DGKG: variants seen among roughly 807,000 people sequenced by gnomAD.
DGKG encodes the protein diacylglycerol kinase gamma.
Under a neutral mutation model 105.3 loss-of-function variants are expected in DGKG, and 78 were observed. That is an observed-to-expected ratio of 0.74 (90% CI 0.62 to 0.89). DGKG has a LOEUF of 0.89. Ranked by LOEUF, DGKG falls within the 40% of genes least tolerant of loss-of-function variation. The pLI is 0.00. For missense variants in DGKG, 958 were observed against 1,020.1 expected, an observed-to-expected ratio of 0.94 and a Z score of 0.83; for synonymous variants, 346 against 367.1, an observed-to-expected ratio of 0.94 and a Z score of 0.66.
At chr3:186,288,956 C>A (rs1457198218) in intron 5 of DGKG, 76 bp from the exon 6 acceptor site, 1 of 1,414,054 alleles carries the variant, frequency 7.1e-7, no homozygotes. Flanking sequence ...TTACCCCATC[C>A]TTTTCATGGT....
intron 22 of DGKG, among the ~76,000 whole-genome samples, chr3:186,172,023 T>C (rs922242739): frequency 1.3e-5 from 2 of 152,140 alleles, no homozygotes; most frequent in African/African-American, 4.8e-5. Context: ...GCCCAGTTAA[T>C]TTTTGTAGAG....
chr3:186,313,830 T>C (rs1724675594), intron 2 of DGKG, among the ~76,000 whole-genome samples: 1 of 152,126 alleles, frequency 6.6e-6, no homozygotes, highest in Non-Finnish European at 1.5e-5. Flanking sequence ...TGAGAAATAG[T>C]TATGGCTATC....
chr3:186,240,715 C>A lies in DGKG; in HGVS notation c.1826+1789G>T, dbSNP rs567259151. Among the ~76,000 whole-genome samples the A allele has an allele frequency of 2.7e-5, 4 of 150,270 alleles. No individual in the cohort carries two copies. The East Asian group carries it at 7.8e-4, about 29-fold the overall frequency. On this transcript the variant is annotated intron_variant, in intron 20 of 24. Transcript: ENST00000265022. ...ATCCCAGCTACTTGGGAGGCTGAGA[C>A]GGAAGAATTGTTTGAACCCAGGAGG...
intron 1 of DGKG, among the ~76,000 whole-genome samples, chr3:186,352,171 T>A (rs1056349908): frequency 5.3e-5 from 8 of 152,152 alleles, no homozygotes; most frequent in African/African-American, 1.9e-4. Context: ...TTGTGAGCTC[T>A]AATATGGAAG....
intron 21 of DGKG, among the ~76,000 whole-genome samples, chr3:186,188,756 T>C (rs1364252222): frequency 6.6e-6 from 1 of 152,162 alleles, no homozygotes; most frequent in Non-Finnish European, 1.5e-5. Context: ...TGGAACTGAA[T>C]TCAGAACCTA....
At chr3:186,160,368 C>T in intron 24 of DGKG, 1 of 985,248 alleles carries the variant, frequency 1.0e-6, no homozygotes, top group Non-Finnish European at 1.2e-6. Context: ...ATAAAAGGAA[C>T]TTGGATAGAT....
chr3:186,275,502 G>A, intron 10 of DGKG, 45 bp downstream of exon 10: 1 of 1,526,668 alleles, frequency 6.6e-7, no homozygotes, highest in Non-Finnish European at 9.1e-7. Flanking sequence ...CATGCGCAGA[G>A]CAAGATAGTG....
chr3:186,274,746 T>C (rs1380281940), intron 10 of DGKG, among the ~76,000 whole-genome samples: 4 of 152,148 alleles, frequency 2.6e-5, no homozygotes, highest in Non-Finnish European at 5.9e-5. Context: ...CATAGTATTC[T>C]ATGGTATATA....
chr3:186,258,520 C>T (rs1721592358), intron 16 of DGKG, among the ~76,000 whole-genome samples: 1 of 152,202 alleles, frequency 6.6e-6, no homozygotes, highest in African/African-American at 2.4e-5. Context: ...CTTATTTTCC[C>T]TAAGCTCAAA....
In DGKG at chr3:186,191,054, T is replaced by C. The variant is rs141236532; in HGVS notation, c.1918-2675A>G. ...TCTTTCATGCCTCATCTTTCATAAATGAGCCCCAGTGAGGTTAAGAAACTT... is the reference window on the plus strand; with the variant it reads ...TCTTTCATGCCTCATCTTTCATAAACGAGCCCCAGTGAGGTTAAGAAACTT... On this transcript the variant is annotated intron_variant, in intron 21 of 24. Transcript: ENST00000265022. Among the ~76,000 whole-genome samples the C allele has an allele frequency of 2.0e-4, 30 of 152,296 alleles. No homozygotes were observed. In the South Asian group the frequency reaches 2.1e-3, roughly 11 times the overall value.
At chr3:186,211,043 T>C (rs1029526490) in intron 21 of DGKG, among the ~76,000 whole-genome samples, 2 of 152,008 alleles carry the variant, frequency 1.3e-5, no homozygotes, top group Non-Finnish European at 2.9e-5. Flanking sequence ...GGGCAGCTTA[T>C]CAACCAGGGG....
chr3:186,328,804 C>T (rs1023490545), intron 1 of DGKG, among the ~76,000 whole-genome samples: 1 of 152,164 alleles, frequency 6.6e-6, no homozygotes, highest in African/African-American at 2.4e-5. Flanking sequence ...GTCTCGAACT[C>T]CTGACCTCAG....
At chr3:186,191,476 A>C (rs1360242493) in intron 21 of DGKG, among the ~76,000 whole-genome samples, 1 of 152,220 alleles carries the variant, frequency 6.6e-6, no homozygotes, top group Non-Finnish European at 1.5e-5. Flanking sequence ...AGGCTTGTCC[A>C]GCAACTTGGA....
intron 12 of DGKG, 56 bp from the exon 13 acceptor site, chr3:186,267,833 A>G: frequency 6.5e-7 from 1 of 1,532,552 alleles, no homozygotes; most frequent in Non-Finnish European, 9.0e-7. Flanking sequence ...AACATCAAAC[A>G]TGAAGGTGGA....
intron 1 of DGKG, among the ~76,000 whole-genome samples, chr3:186,358,120 TTC>T (rs1727057386): frequency 6.6e-6 from 1 of 152,202 alleles, no homozygotes; most frequent in Admixed American, 6.5e-5. Flanking sequence ...ACCTGGAAAA[TTC>T]TCTTATTCGT....
chr3:186,207,333 A>T, intron 21 of DGKG: 1 of 416,348 alleles, frequency 2.4e-6, no homozygotes, highest in Non-Finnish European at 3.2e-6. Flanking sequence ...AAGTGCCAGT[A>T]CTGCCCCGAA....
At chr3:186,321,298 C>A (rs1725064467) in intron 1 of DGKG, among the ~76,000 whole-genome samples, 1 of 152,172 alleles carries the variant, frequency 6.6e-6, no homozygotes, top group Non-Finnish European at 1.5e-5. Flanking sequence ...GTCATTAAAT[C>A]AGTTTTGTGG....
chr3:186,331,910 T>C (rs983278614), intron 1 of DGKG, among the ~76,000 whole-genome samples: 12 of 152,228 alleles, frequency 7.9e-5, no homozygotes, highest in African/African-American at 2.9e-4. Flanking sequence ...GAGGAACGTA[T>C]GTTTTATGCC....
chr3:186,290,757 C>T (rs1357489185), intron 5 of DGKG, among the ~76,000 whole-genome samples: 3 of 152,176 alleles, frequency 2.0e-5, no homozygotes, highest in Non-Finnish European at 4.4e-5. Flanking sequence ...GGAGGGTATG[C>T]ACAGAGAGCT....
Sources: gnomAD v4.1 joint callset for allele counts (sites outside exome capture counted in the v4.1 genomes callset) on GRCh38, gnomAD v4.1.1 for gene constraint, MANE v1.5 for transcripts, NCBI Gene and HGNC (gene_info 2026-07-23, HGNC 2026-07-21) for gene names.